The following LAMB4 variants were observed in gnomAD, a reference collection of about 807,000 sequenced individuals.
LAMB4 encodes laminin subunit beta 4, also known as laminin subunit beta-4.
LAMB4 carries 196 observed loss-of-function variants against 199.2 expected under a neutral mutation model. That is an observed-to-expected ratio of 0.98 (90% CI 0.88 to 1.11). The LOEUF is 1.11. Ranked by LOEUF, LAMB4 falls within the 50% of genes least tolerant of loss-of-function variation. LAMB4 has a pLI of 0.00. For missense variants in LAMB4, 2,080 were observed against 2,171.2 expected (o/e 0.96, Z 0.83); for synonymous variants, 744 against 770.6 (o/e 0.97, Z 0.57).
chr7:108,038,915 A>G (rs1225608005), intron 29 of LAMB4, among the ~76,000 whole-genome samples: 1 of 152,234 alleles, frequency 6.6e-6, no homozygotes, highest in Non-Finnish European at 1.5e-5. Context: ...ATAAGTCATT[A>G]TATACAAATA....
chr7:108,118,142 A>G (rs554667843), intron 2 of LAMB4, among the ~76,000 whole-genome samples: 19 of 152,226 alleles, frequency 1.2e-4, no homozygotes, highest in Non-Finnish European at 2.6e-4. Flanking sequence ...TTAAAAAACT[A>G]TATATGAAAA....
intron 24 of LAMB4, among the ~76,000 whole-genome samples, chr7:108,057,151 G>A (rs574353047): frequency 7.9e-5 from 12 of 152,240 alleles, no homozygotes; most frequent in African/African-American, 2.9e-4. Context: ...ATCCTTAGCC[G>A]CTCTTCCCCA....
At chr7:108,073,639 A>G (rs780126893) in intron 17 of LAMB4, among the ~76,000 whole-genome samples, 14 of 152,220 alleles carry the variant, frequency 9.2e-5, no homozygotes, top group Non-Finnish European at 1.6e-4. Flanking sequence ...GCTGCAGAAA[A>G]GAATAAACTT....
intron 21 of LAMB4, among the ~76,000 whole-genome samples, chr7:108,065,461 C>A (rs1428367370): frequency 6.6e-6 from 1 of 152,070 alleles, no homozygotes; most frequent in East Asian, 1.9e-4. Flanking sequence ...TTATATCTTA[C>A]TTAACGTGAT....
chr7:108,063,994 A>C lies in LAMB4; in HGVS notation c.2837-9T>G. ...TTCTCCACACTGAGTACCTGAAAGA[A>C]AGTGGGAGGAAAAGGAATGGGGTGA... On this transcript the variant is annotated splice_polypyrimidine_tract_variant and intron_variant, in intron 21 of 33. Coordinates refer to ENST00000388781, the MANE Select transcript of LAMB4 (RefSeq NM_007356.3). The C allele has an allele frequency of 6.2e-7, 1 of 1,600,008 alleles. No individual in the cohort carries two copies. The highest frequency in any genetic ancestry group is 8.6e-7 in the Non-Finnish European group (1 of 1,167,138).
Position 108,047,384 on chromosome 7 carries a change from A to G in LAMB4, c.4326+524T>C, listed in dbSNP as rs138074518. Among the ~76,000 whole-genome samples the G allele has an allele frequency of 7.8e-3, 1,192 of 152,132 alleles. 2 individuals carry two copies. The highest frequency in any genetic ancestry group is 0.018 in the South Asian group (86 of 4,790). On this transcript the variant is annotated intron_variant, in intron 28 of 33. Transcript: ENST00000388781. Reference sequence around the variant, plus strand: ...TTCTTCCTCCTCCTCAGCCTACTCAATGTGATGACGATGAAGACCTTAATG... The same window carrying G: ...TTCTTCCTCCTCCTCAGCCTACTCAGTGTGATGACGATGAAGACCTTAATG...
intron 23 of LAMB4, among the ~76,000 whole-genome samples, chr7:108,059,366 T>C (rs1390321558): frequency 1.3e-5 from 2 of 152,024 alleles, no homozygotes; most frequent in African/African-American, 2.4e-5. Context: ...ACAAACCAGT[T>C]TGCAATTGCC....
Position 108,055,748 on chromosome 7 carries a change from A to G in LAMB4, c.3639T>C (p.Cys1213=). The G allele has an allele frequency of 6.2e-7, 1 of 1,614,170 alleles. No individual in the cohort carries two copies. The highest frequency in any genetic ancestry group is 8.5e-7 in the Non-Finnish European group (1 of 1,180,008). ...CTCTGAGGTCTTTGAAGTCTGCCTC[A>G]CAGACAGGCAGGGTCTCTCTTTTAT... ...MEDKRETLPV[C]EADFKDLRGN... is the part of the protein sequence containing the mutation. The change falls in exon 25 of 34, where the codon TGT becomes TGC. Residue 1213 remains cysteine, a synonymous_variant. Coordinates refer to ENST00000388781, the MANE Select transcript of LAMB4 (RefSeq NM_007356.3).
At chr7:108,048,970 C>T (rs1327306070) in intron 27 of LAMB4, among the ~76,000 whole-genome samples, 3 of 152,156 alleles carry the variant, frequency 2.0e-5, no homozygotes, top group African/African-American at 4.8e-5. Context: ...GAATTACAGG[C>T]GTGAGCCACC....
Position 108,029,333 on chromosome 7 carries a change from A to G in LAMB4, c.4993-137T>C, listed in dbSNP as rs143179483. On this transcript the variant is annotated intron_variant, in intron 32 of 33. Transcript: ENST00000388781. ...CAGTCAATACACTTGAGTTGCTCTG[A>G]TATTTCCGGCAGAGTTTTATTTGCA... 221 of 543,052 alleles carry G rather than the reference A, an allele frequency of 4.1e-4. No individual in the cohort carries two copies. In the African/African-American group the frequency reaches 4.1e-3, roughly 10 times the overall value. The allele number at this position is 543,052 out of a possible 1,614,324, so 33.6% of individuals were successfully genotyped here.
intron 27 of LAMB4, among the ~76,000 whole-genome samples, chr7:108,048,449 T>C (rs907662617): frequency 6.6e-6 from 1 of 151,928 alleles, no homozygotes; most frequent in African/African-American, 2.4e-5. Context: ...TACAGGCATG[T>C]GGCCTGGCTG....
At chr7:108,043,931 C>G in intron 28 of LAMB4, 35 bp from the exon 29 acceptor site, 1 of 1,561,518 alleles carries the variant, frequency 6.4e-7, no homozygotes, top group Non-Finnish European at 8.7e-7. Flanking sequence ...GAATACTCGA[C>G]AATATACTCA....
chr7:108,104,689 GA>G, intron 8 of LAMB4, 70 bp from the exon 9 acceptor site: 1 of 1,559,938 alleles, frequency 6.4e-7, no homozygotes. Flanking sequence ...CTTTAAATGG[GA>G]AATGAAATAC....
In LAMB4 at chr7:108,063,924, A is replaced by C. The variant is rs770289404; in HGVS notation, c.2898T>G (p.Pro966=). The change falls in exon 22 of 34, where the codon CCT becomes CCG. Residue 966 remains proline, a synonymous_variant. Transcript: ENST00000388781. ...TGTTGTTGCAGGCACATGGTTGGCA[A>C]GGTGCTCCTGAAATTCTTGGATTTC... ...FYGNPRISGA[P]CQPCACNNNI... The C allele has an allele frequency of 1.9e-6, 3 of 1,614,186 alleles. No individual in the cohort carries two copies. The Admixed American group carries it at 5.0e-5, about 27-fold the overall frequency.
At chr7:108,114,530 T>A (rs539181566) in intron 3 of LAMB4, among the ~76,000 whole-genome samples, 66 of 152,324 alleles carry the variant, frequency 4.3e-4, no homozygotes, top group African/African-American at 1.5e-3. Context: ...ACCATGTAAT[T>A]TCCTTGCACA....
chr7:108,109,827 G>A (rs191735438), intron 4 of LAMB4, among the ~76,000 whole-genome samples: 2 of 152,162 alleles, frequency 1.3e-5, no homozygotes, highest in African/African-American at 4.8e-5. Flanking sequence ...CAGAGATGTG[G>A]GGTATCAGCC....
chr7:108,059,311 C>T (rs1264653967), intron 23 of LAMB4, among the ~76,000 whole-genome samples: 2 of 151,754 alleles, frequency 1.3e-5, no homozygotes, highest in Non-Finnish European at 2.9e-5. Flanking sequence ...TTGAATCTGC[C>T]ACCTTTTAAC....
At chr7:108,072,379 CCTTTT>C (rs1481313527) in intron 17 of LAMB4, among the ~76,000 whole-genome samples, 3 of 151,984 alleles carry the variant, frequency 2.0e-5, no homozygotes, top group African/African-American at 4.8e-5. Flanking sequence ...TCCATACTTT[CCTTTT>C]GTTTTTCCTT....
chr7:108,067,130 G>C (rs1462772825), intron 19 of LAMB4, among the ~76,000 whole-genome samples: 3 of 152,108 alleles, frequency 2.0e-5, no homozygotes, highest in Non-Finnish European at 4.4e-5. Flanking sequence ...TTATGTGATA[G>C]GGTGGCGCAT....
Sources: gnomAD v4.1 joint callset for allele counts (sites outside exome capture counted in the v4.1 genomes callset) on GRCh38, gnomAD v4.1.1 for gene constraint, MANE v1.5 for transcripts, NCBI Gene and HGNC (gene_info 2026-07-23, HGNC 2026-07-21) for gene names.